Variants in CYP27B1 observed in about 807,000 individuals in gnomAD.
CYP27B1 encodes 25-hydroxyvitamin D-1 alpha hydroxylase, mitochondrial.
CYP27B1 carries 46 observed loss-of-function variants against 54.8 expected under a neutral mutation model. The ratio of observed to expected loss-of-function variants is 0.84; its 90% CI spans 0.66 to 1.07. The LOEUF (loss-of-function observed/expected upper bound fraction) is 1.07. CYP27B1 is among the 50% of genes least tolerant of loss of function. The pLI is 0.00. For synonymous variants in CYP27B1, 292 were observed against 297.3 expected (o/e 0.98, Z 0.18); for missense variants, 674 against 692.2 (o/e 0.97, Z 0.30).
In CYP27B1 at chr12:57,762,792, C is replaced by T. The variant is rs944732601; in HGVS notation, c.*350G>A. ...AGCTTATGCTTTGATAAATGCTTAG[C>T]CAGCAGCATCAATGAACACTATGAA... On this transcript the variant is annotated 3_prime_UTR_variant, in exon 9 of 9. Coordinates refer to ENST00000228606, the MANE Select transcript of CYP27B1 (RefSeq NM_000785.4). The T allele has an allele frequency of 2.9e-6, 1 of 350,366 alleles. No homozygotes were observed. 21.7% of individuals were successfully genotyped at this position (350,366 alleles called of 1,614,324 possible).
chr12:57,763,047 A>T lies in CYP27B1; in HGVS notation c.*95T>A. On this transcript the variant is annotated 3_prime_UTR_variant, in exon 9 of 9. Transcript: ENST00000228606. ...TTCTATCCAGTTTGGTCAGATAGGCATTAGGGGAAGATGTATACCTTGGTC... is the reference window on the plus strand; with the variant it reads ...TTCTATCCAGTTTGGTCAGATAGGCTTTAGGGGAAGATGTATACCTTGGTC... 1.1e-6 allele frequency: 1 copy of T among 878,368 alleles called. No individual in the cohort carries two copies. Among genetic ancestry groups the T allele is most frequent in the Non-Finnish European group, 1.9e-6 (1 of 533,940 alleles). 54.4% of individuals were successfully genotyped at this position (878,368 alleles called of 1,614,324 possible).
In CYP27B1 at chr12:57,767,068, A is replaced by G; in HGVS notation, c.-27T>C. On this transcript the variant is annotated 5_prime_UTR_variant, in exon 1 of 9. Transcript: ENST00000228606. Reference sequence around the variant, plus strand: ...GTCTGGTTCAGGGTGCTCGCGAAAGAAAGCGCTTCTCCTGAGCATCATATC... The same window carrying G: ...GTCTGGTTCAGGGTGCTCGCGAAAGGAAGCGCTTCTCCTGAGCATCATATC... The G allele has an allele frequency of 6.2e-7, 1 of 1,608,516 alleles. No homozygotes were observed. Among genetic ancestry groups the G allele is most frequent in the Non-Finnish European group, 8.5e-7 (1 of 1,175,006 alleles).
chr12:57,766,816 ACT>A, intron 1 of CYP27B1, 29 bp downstream of exon 1: 1 of 1,609,744 alleles, frequency 6.2e-7, no homozygotes, highest in Non-Finnish European at 8.5e-7. Context: ...TTTCCCCAGC[ACT>A]CTGTCTCGGG....
At position 57,765,399 on chromosome 12, in the gene CYP27B1, A is replaced by G. The variant is rs761123158; in HGVS notation, c.487T>C (p.Cys163Arg). The change falls in exon 3 of 9, where the codon TGC (cysteine) becomes CGC (arginine). Residue 163 changes from cysteine (C) to arginine (R), a missense_variant. By Grantham distance (180) the Cys-to-Arg change is radical. Transcript: ENST00000228606. This position sits in a 1 kb window ranked among gnomAD's most constrained non-coding sequence, Gnocchi z 5.8. ...RYAGTLNNVV[C>R]DLVRRLRRQR... ...CGCCTCAGACGCCGCACAAGGTCGC[A>G]GACTACGTTGTTCAGGGTTCCGGCG... The G allele has an allele frequency of 1.2e-6, 2 of 1,613,292 alleles. No homozygotes were observed. Among genetic ancestry groups the G allele is most frequent in the South Asian group, 1.1e-5 (1 of 90,964 alleles).
In CYP27B1 at chr12:57,766,078, G is replaced by A. The variant is rs564954189; in HGVS notation, c.315C>T (p.Pro105=). Residue 105 remains proline, a synonymous_variant, in exon 2 of 9, where the codon CCC becomes CCT. Coordinates refer to ENST00000228606, the MANE Select transcript of CYP27B1 (RefSeq NM_000785.4). ...TCCAGGGCGAGAAGCTGCAGCGCTC[G>A]GGCCGGGGTCCCTCCTGTCGCAGCA... ...EELLRQEGPR[P]ERCSFSPWTE... 28 of 1,552,750 alleles carry A rather than the reference G, an allele frequency of 1.8e-5. No homozygotes were observed. Among genetic ancestry groups the A allele is most frequent in the South Asian group, 3.5e-5 (3 of 84,840 alleles).
Position 57,763,143 on chromosome 12 carries a change from T to C in CYP27B1, c.1526A>G (p.Ter509TrpextTer15), listed in dbSNP as rs1240991821. Residue 509 changes from the stop codon to tryptophan (W), a stop_lost, in exon 9 of 9, where the codon TAG (stop) becomes TGG (tryptophan). Transcript: ENST00000228606. ...TGATGACAGTCTCTTTCCATGGGAC[T>C]ATCTGTCCAAAAACTGTAGGTTGAT... Reference protein sequence around the residue: ...RSINLQFLDR* With the variant: ...RSINLQFLDRW 1 of 1,604,946 alleles carries C rather than the reference T, an allele frequency of 6.2e-7. No homozygotes were observed.
chr12:57,763,697 ATGGGTGGGGGG>A lies in CYP27B1; in HGVS notation c.1316_1326del (p.Thr439IlefsTer22). On this transcript the variant is annotated frameshift_variant, in exon 8 of 9. Transcript: ENST00000228606. LOFTEE classifies it high-confidence loss of function. The stretch of plus-strand genomic sequence containing the variant: ...CCAAAGCCAAAGGGAAGAGATGCAA[ATGGGTGGGGGG>A]TGGGACCCTCCCCCAGCCAGCGAGC... 7.2e-7 allele frequency: 1 copy of A among 1,394,182 alleles called. No homozygotes were observed. The highest frequency in any genetic ancestry group is 1.0e-6 in the Non-Finnish European group (1 of 990,208). The allele number at this position is 1,394,182 out of a possible 1,614,324, so 86.4% of individuals were successfully genotyped here.
At position 57,766,184 on chromosome 12, in the gene CYP27B1, G is replaced by A. The variant is rs1242617024; in HGVS notation, c.209C>T (p.Ala70Val). Residue 70 changes from alanine to valine, a missense_variant, in exon 2 of 9, where the codon GCG becomes GTG. Coordinates refer to ENST00000228606, the MANE Select transcript of CYP27B1 (RefSeq NM_000785.4). The part of the protein sequence containing the change: ...RLHELQVQGA[A>V]HFGPVWLASF... ...GGCTAGCCACACCGGCCCGAAGTGC[G>A]CGGCGCCCTGCACCTGGGGGAGCGG... is the stretch of plus-strand genomic sequence containing the variant. The A allele has an allele frequency of 1.7e-5, 26 of 1,539,372 alleles. No individual in the cohort carries two copies. The highest frequency in any genetic ancestry group is 2.0e-5 in the Non-Finnish European group (23 of 1,142,822).
rs1955354301 is a variant in CYP27B1 at position 57,765,686 on chromosome 12, C to T, written c.387-187G>A. On this transcript the variant is annotated intron_variant, in intron 2 of 8. Coordinates refer to ENST00000228606, the MANE Select transcript of CYP27B1 (RefSeq NM_000785.4). This position sits in a 1 kb window ranked among gnomAD's most constrained non-coding sequence, Gnocchi z 5.8. ...CCTTCCTCTTTACTCATTTCCTGCCCTCAGGGGCCGGGGTTCCCGGGTAAC... is the reference window on the plus strand; with the variant it reads ...CCTTCCTCTTTACTCATTTCCTGCCTTCAGGGGCCGGGGTTCCCGGGTAAC... 4 of 873,738 alleles carry T rather than the reference C, an allele frequency of 4.6e-6. No homozygotes were observed. Among genetic ancestry groups the T allele is most frequent in the Non-Finnish European group, 7.4e-6 (4 of 537,092 alleles). The allele number at this position is 873,738 out of a possible 1,614,324, so 54.1% of individuals were successfully genotyped here.
rs749448463 is a variant in CYP27B1, at chr12:57,764,845, G to T, written c.872C>A (p.Ala291Glu). The change falls in exon 5 of 9, where the codon GCG becomes GAG. Residue 291 changes from alanine to glutamate, a missense_variant. Transcript: ENST00000228606. ...CCGGAACAGGAAGTGGGTCAGGTGC[G>T]CCCCAGACTCCAGGTCCTTCTCGGG... ...GQPEKDLESG[A>E]HLTHFLFREE... The T allele has an allele frequency of 6.2e-7, 1 of 1,614,140 alleles. No homozygotes were observed. Among genetic ancestry groups the T allele is most frequent in the Non-Finnish European group, 8.5e-7 (1 of 1,180,030 alleles).
chr12:57,766,742 TTCTC>T, intron 1 of CYP27B1, 101 bp downstream of exon 1: 1 of 1,253,814 alleles, frequency 8.0e-7, no homozygotes, highest in Non-Finnish European at 1.2e-6. Context: ...TGGGCATCCG[TTCTC>T]TCTGGCTGTC....
chr12:57,766,575 C>T, intron 1 of CYP27B1: 1 of 584,430 alleles, frequency 1.7e-6, no homozygotes, highest in Non-Finnish European at 3.0e-6. Flanking sequence ...CCACTCCGGC[C>T]TCCCCCTCCC....
At position 57,766,214 on chromosome 12, in the gene CYP27B1, AGCGGACACT is replaced by A. The variant is rs1433394310; in HGVS notation, c.196-26_196-18del. On this transcript the variant is annotated intron_variant, in intron 1 of 8. Transcript: ENST00000228606. ...GCCCTGCACCTGGGGGAGCGGACAC[AGCGGACACT>A]TGGATACCTGGGCGGGGACTTTCAG... 1.3e-6 allele frequency: 2 copies of A among 1,525,254 alleles called. No individual in the cohort carries two copies. The highest frequency in any genetic ancestry group is 2.5e-5 in the East Asian group (1 of 39,970). The allele number at this position is 1,525,254 out of a possible 1,614,324, so 94.5% of individuals were successfully genotyped here. A position where few individuals can be genotyped will look rare whatever the true frequency, so the allele number is the denominator to read the frequency against.
In CYP27B1 at chr12:57,765,607, T is replaced by A; in HGVS notation, c.387-108A>T. 1 of 1,195,076 alleles carries A rather than the reference T, an allele frequency of 8.4e-7. No individual in the cohort carries two copies. The highest frequency in any genetic ancestry group is 1.2e-6 in the Non-Finnish European group (1 of 822,056). 74.0% of individuals were successfully genotyped at this position (1,195,076 alleles called of 1,614,324 possible). A position where few individuals can be genotyped will look rare whatever the true frequency, so the allele number is the denominator to read the frequency against. On this transcript the variant is annotated intron_variant, in intron 2 of 8. Coordinates refer to ENST00000228606, the MANE Select transcript of CYP27B1 (RefSeq NM_000785.4). This position sits in a 1 kb window ranked among gnomAD's most constrained non-coding sequence, Gnocchi z 5.8. ...TGCGGTGGCCAGGAGAGGGATTGCG[T>A]CTGCCCCCTTGGGGTACGGAAACCT... is the stretch of plus-strand genomic sequence containing the variant.
Position 57,763,150 on chromosome 12 carries a change from C to T in CYP27B1, c.1519G>A (p.Asp507Asn). ...AGTCTCTTTCCATGGGACTATCTGT[C>T]CAAAAACTGTAGGTTGATGCTCCTT... is the stretch of plus-strand genomic sequence containing the variant. ...PERSINLQFL[D>N]R The change falls in exon 9 of 9, where the codon GAC becomes AAC. Residue 507 changes from aspartate to asparagine, a missense_variant. Physicochemically the swap from Asp to Asn is conservative, Grantham distance 23. Coordinates refer to ENST00000228606, the MANE Select transcript of CYP27B1 (RefSeq NM_000785.4). The T allele has an allele frequency of 1.2e-6, 2 of 1,611,328 alleles. No individual in the cohort carries two copies. Among genetic ancestry groups the T allele is most frequent in the East Asian group, 4.5e-5 (2 of 44,878 alleles).
chr12:57,766,815 C>T, intron 1 of CYP27B1, 32 bp downstream of exon 1: 8 of 1,609,582 alleles, frequency 5.0e-6, no homozygotes, highest in Non-Finnish European at 6.0e-6. Flanking sequence ...GTTTCCCCAG[C>T]ACTCTGTCTC....
intron 4 of CYP27B1, 38 bp from the exon 5 acceptor site, chr12:57,764,964 C>T (rs747414915): frequency 3.1e-6 from 5 of 1,613,948 alleles, no homozygotes; most frequent in Non-Finnish European, 4.2e-6. Context: ...CTCGCTACCC[C>T]TGGACAGCTT....
In CYP27B1 at chr12:57,765,279, C is replaced by G; in HGVS notation, c.589+18G>C. The G allele has an allele frequency of 6.2e-7, 1 of 1,612,588 alleles. No individual in the cohort carries two copies. The highest frequency in any genetic ancestry group is 8.5e-7 in the Non-Finnish European group (1 of 1,179,572). ...TAGGGCGCCCCCGACGCCTGCCCAG[C>G]TCTGTCCTGGGACTCACCTTCCAGT... On this transcript the variant is annotated intron_variant, in intron 3 of 8. Transcript: ENST00000228606. This position sits in a 1 kb window ranked among gnomAD's most constrained non-coding sequence, Gnocchi z 5.8.
In CYP27B1 at chr12:57,765,258, G is replaced by A; in HGVS notation, c.589+39C>T. On this transcript the variant is annotated intron_variant, in intron 3 of 8. Transcript: ENST00000228606. This position sits in a 1 kb window ranked among gnomAD's most constrained non-coding sequence, Gnocchi z 5.8. ...CAGGGTTCCGGGAGGCTCTGGTAGG[G>A]CGCCCCCGACGCCTGCCCAGCTCTG... is the stretch of plus-strand genomic sequence containing the variant. 1.2e-6 allele frequency: 2 copies of A among 1,611,690 alleles called. No individual in the cohort carries two copies. The highest frequency in any genetic ancestry group is 1.7e-6 in the Non-Finnish European group (2 of 1,179,190).
Sources: allele counts gnomAD v4.1 joint callset, GRCh38; gene constraint gnomAD v4.1.1; non-coding constraint Gnocchi (gnomAD v3.1); transcripts MANE v1.5; gene names NCBI Gene and HGNC (gene_info 2026-07-23, HGNC 2026-07-21).